Variants in DYM observed in about 807,000 individuals in gnomAD.
DYM encodes dyggve-Melchior-Clausen syndrome protein.
A neutral mutation model predicts 93.1 loss-of-function variants in DYM; 78 were observed. The observed-to-expected ratio is 0.84, with a 90% confidence interval of 0.70 to 1.01. DYM has a LOEUF of 1.01. DYM is among the 50% of genes least tolerant of loss of function. DYM has a pLI of 0.00. For synonymous variants in DYM, 321 were observed against 319.7 expected, an observed-to-expected ratio of 1.00 and a Z score of -0.04; for missense variants, 789 against 845.0, an observed-to-expected ratio of 0.93 and a Z score of 0.82.
intron 2 of DYM, among the ~76,000 whole-genome samples, chr18:49,427,093 T>C (rs573321289): frequency 6.6e-6 from 1 of 152,288 alleles, no homozygotes; most frequent in South Asian, 2.1e-4. Flanking sequence ...AATCAATACA[T>C]GCTAAAATAC....
At chr18:49,194,412 T>C (rs375106809) in intron 14 of DYM, among the ~76,000 whole-genome samples, 1 of 152,142 alleles carries the variant, frequency 6.6e-6, no homozygotes, top group East Asian at 1.9e-4. Flanking sequence ...CCTAGGAGCA[T>C]CTGGTGGGAA....
intron 17 of DYM, among the ~76,000 whole-genome samples, chr18:49,073,184 G>A (rs1016311436): frequency 1.3e-5 from 2 of 152,168 alleles, no homozygotes; most frequent in Admixed American, 6.5e-5. Flanking sequence ...AGCCTCATTC[G>A]TCACAAGATC....
intron 15 of DYM, among the ~76,000 whole-genome samples, chr18:49,157,941 A>G (rs909703252): frequency 3.9e-5 from 6 of 152,204 alleles, no homozygotes; most frequent in Admixed American, 3.3e-4. Flanking sequence ...TGTGTATAGA[A>G]TGAGTGAGGG....
At chr18:49,315,644 C>A (rs946730667) in intron 8 of DYM, among the ~76,000 whole-genome samples, 5 of 152,182 alleles carry the variant, frequency 3.3e-5, no homozygotes, top group African/African-American at 1.2e-4. Flanking sequence ...AAAATAAATA[C>A]ATTTCAAATA....
At chr18:49,314,243 T>C (rs1221326088) in intron 8 of DYM, among the ~76,000 whole-genome samples, 3 of 152,250 alleles carry the variant, frequency 2.0e-5, no homozygotes, top group African/African-American at 7.2e-5. Context: ...TTTCACACTA[T>C]ATGTGTTCTT....
intron 15 of DYM, among the ~76,000 whole-genome samples, chr18:49,150,294 C>A (rs981825558): frequency 3.3e-5 from 5 of 152,176 alleles, no homozygotes; most frequent in Non-Finnish European, 7.3e-5. Context: ...TGTGTTCCCA[C>A]TCAAATTCAT....
intron 14 of DYM, among the ~76,000 whole-genome samples, chr18:49,203,920 C>T (rs1171549839): frequency 4.7e-5 from 3 of 63,210 alleles, no homozygotes; most frequent in African/African-American, 1.8e-4. Flanking sequence ...CTTGAAAATT[C>T]TATGGGGCAG....
chr18:49,322,673 T>A (rs2062581905), intron 8 of DYM, among the ~76,000 whole-genome samples: 1 of 152,050 alleles, frequency 6.6e-6, no homozygotes, highest in Non-Finnish European at 1.5e-5. Flanking sequence ...TCTGATAATT[T>A]TCATAATTTA....
chr18:49,383,435 G>A (rs914697645), intron 3 of DYM, among the ~76,000 whole-genome samples: 4 of 152,238 alleles, frequency 2.6e-5, no homozygotes, highest in African/African-American at 9.6e-5. Flanking sequence ...AAGAAGTGAG[G>A]ATAATGAAGG....
chr18:49,064,541 C>G (rs2076240696), intron 17 of DYM, among the ~76,000 whole-genome samples: 2 of 152,140 alleles, frequency 1.3e-5, no homozygotes, highest in South Asian at 4.1e-4. Flanking sequence ...TTCCCATTCA[C>G]TTTCTGAGGG....
chr18:49,397,595 GTTC>G (rs1411618208), intron 2 of DYM, among the ~76,000 whole-genome samples: 1 of 152,184 alleles, frequency 6.6e-6, no homozygotes, highest in Non-Finnish European at 1.5e-5. Flanking sequence ...CCCCTCCAGG[GTTC>G]TTTTCTGTTG....
rs559501563 is a variant in DYM at position 49,431,492 on chromosome 18, A to G, written c.-53-1045T>C. On this transcript the variant is annotated intron_variant, in intron 1 of 17. Coordinates refer to ENST00000675505, the MANE Select transcript of DYM (RefSeq NM_001353214.3). Reference sequence around the variant, plus strand: ...TCTCAGTCACTAAGGGAAGAAAACTAGTTACAAATATGAATCACTGTCTCC... The same window carrying G: ...TCTCAGTCACTAAGGGAAGAAAACTGGTTACAAATATGAATCACTGTCTCC... 3.9e-5 allele frequency among the ~76,000 whole-genome samples: 6 copies of G among 152,352 alleles called. No individual in the cohort carries two copies. The East Asian group carries it at 1.2e-3, about 29-fold the overall frequency.
intron 8 of DYM, among the ~76,000 whole-genome samples, chr18:49,297,059 T>C (rs1402369863): frequency 6.6e-6 from 1 of 152,216 alleles, no homozygotes; most frequent in Non-Finnish European, 1.5e-5. Flanking sequence ...ATAAGAATTT[T>C]ATATTTGCTA....
intron 1 of DYM, among the ~76,000 whole-genome samples, chr18:49,443,832 GTTAA>G: frequency 6.6e-6 from 1 of 152,336 alleles, no homozygotes; most frequent in Non-Finnish European, 1.5e-5. Context: ...CCAATGGTGA[GTTAA>G]TTAAATTGTG....
chr18:49,082,736 TAC>T (rs1568391431), intron 17 of DYM, among the ~76,000 whole-genome samples: 1 of 152,320 alleles, frequency 6.6e-6, no homozygotes, highest in East Asian at 1.9e-4. Context: ...ATTGGCCAAA[TAC>T]AGACAGTTTT....
Position 49,379,756 on chromosome 18 carries a change from C to T in DYM, c.196G>A (p.Glu66Lys), listed in dbSNP as rs201369063. The change falls in exon 4 of 18, where the codon GAA (glutamate) becomes AAA (lysine). Residue 66 changes from glutamate to lysine, a missense_variant and splice_region_variant. Transcript: ENST00000675505. ...ATISVCRSLV[E>K]NNPRTGNLGA... ...AGATTTCCTGTTCGAGGATTGTTTT[C>T]AACTGCAAGAGAAGAAAAGGTTTTA... 4.2e-5 allele frequency: 68 copies of T among 1,610,620 alleles called. No individual in the cohort carries two copies. The East Asian group carries it at 1.5e-3, about 36-fold the overall frequency.
intron 14 of DYM, chr18:49,205,976 GT>G (rs2092456887): frequency 6.5e-6 from 1 of 154,540 alleles, no homozygotes; most frequent in Non-Finnish European, 1.4e-5. Context: ...AGTAAGTCAT[GT>G]TTGACTAAGG....
chr18:49,127,926 CT>C (rs1000066387), intron 15 of DYM, among the ~76,000 whole-genome samples: 1 of 152,220 alleles, frequency 6.6e-6, no homozygotes, highest in African/African-American at 2.4e-5. Flanking sequence ...CACCGCACCA[CT>C]GGTCTCATGC....
intron 14 of DYM, among the ~76,000 whole-genome samples, chr18:49,165,872 GAAGA>G (rs960984722): frequency 6.6e-6 from 1 of 152,096 alleles, no homozygotes; most frequent in African/African-American, 2.4e-5. Context: ...TCTTGAAAAA[GAAGA>G]AAGAGTTATC....
Sources: allele counts gnomAD v4.1 joint callset (sites outside exome capture counted in the v4.1 genomes callset), GRCh38; gene constraint gnomAD v4.1.1; transcripts MANE v1.5; gene names NCBI Gene and HGNC (gene_info 2026-07-23, HGNC 2026-07-21).